Variants in PLD5 observed in about 807,000 individuals in gnomAD.
PLD5 encodes inactive phospholipase D5.
Under a neutral mutation model 61.1 loss-of-function variants are expected in PLD5, and 36 were observed. The ratio of observed to expected loss-of-function variants is 0.59; its 90% confidence interval spans 0.45 to 0.78. PLD5 has a LOEUF of 0.78. Ranked by LOEUF, PLD5 falls within the 30% of genes least tolerant of loss-of-function variation. The pLI is 0.00. For synonymous variants in PLD5, 243 were observed against 242.8 expected (o/e 1.00, Z -0.01); for missense variants, 515 against 644.4 (o/e 0.80, Z 2.17).
intron 1 of PLD5, among the ~76,000 whole-genome samples, chr1:242,477,263 A>C (rs372690953): frequency 4.1e-4 from 62 of 152,226 alleles, no homozygotes; most frequent in Admixed American, 5.2e-4. Flanking sequence ...AAAAGAAAAA[A>C]AAAATAGTAA....
intron 5 of PLD5, chr1:242,209,402 G>A (rs550449324): frequency 6.6e-6 from 1 of 152,264 alleles, no homozygotes; most frequent in South Asian, 2.1e-4. Context: ...ACAAATTGAA[G>A]ATCTGTGGCA....
chr1:242,461,433 T>C (rs868037596), intron 1 of PLD5, among the ~76,000 whole-genome samples: 2 of 152,228 alleles, frequency 1.3e-5, no homozygotes, highest in South Asian at 2.1e-4. Context: ...CAGGAAGGGA[T>C]TGCAATCATG....
intron 8 of PLD5, among the ~76,000 whole-genome samples, chr1:242,103,590 T>C (rs1236926663): frequency 6.6e-6 from 1 of 152,184 alleles, no homozygotes; most frequent in African/African-American, 2.4e-5. Flanking sequence ...GAAAAGGTAT[T>C]GAACACAATT....
At chr1:242,318,500 G>A (rs1343412601) in intron 2 of PLD5, among the ~76,000 whole-genome samples, 1 of 152,140 alleles carries the variant, frequency 6.6e-6, no homozygotes, top group African/African-American at 2.4e-5. Context: ...TCGACACTTC[G>A]TTAGGCCAAC....
At chr1:242,356,679 GT>G (rs1265256142) in intron 1 of PLD5, among the ~76,000 whole-genome samples, 1 of 151,184 alleles carries the variant, frequency 6.6e-6, no homozygotes, top group Non-Finnish European at 1.5e-5. Flanking sequence ...ATGGTGTATG[GT>G]TTCCTTAGTG....
chr1:242,139,186 T>G (rs1393017166), intron 5 of PLD5, among the ~76,000 whole-genome samples: 4 of 152,154 alleles, frequency 2.6e-5, no homozygotes, highest in Non-Finnish European at 5.9e-5. Context: ...ACTACTGTGT[T>G]ATTTCACAAA....
chr1:242,478,343 C>G (rs1006412208), intron 1 of PLD5, among the ~76,000 whole-genome samples: 1 of 152,072 alleles, frequency 6.6e-6, no homozygotes, highest in Admixed American at 6.6e-5. Context: ...AGCACTGGAG[C>G]CTAGAAATTC....
chr1:242,135,320 G>A (rs1663631521), intron 5 of PLD5, among the ~76,000 whole-genome samples: 1 of 152,150 alleles, frequency 6.6e-6, no homozygotes, highest in Non-Finnish European at 1.5e-5. Flanking sequence ...CCAGACATCA[G>A]GAGTTATGCT....
chr1:242,347,317 T>G (rs2149218967), intron 2 of PLD5, among the ~76,000 whole-genome samples: 1 of 152,326 alleles, frequency 6.6e-6, no homozygotes, highest in East Asian at 1.9e-4. Context: ...AATTTAAATT[T>G]ATTATAAGCT....
intron 1 of PLD5, among the ~76,000 whole-genome samples, chr1:242,382,128 C>CAAAAAAAAAAAAAAAAAAAAAAAAAAA (rs34582650): frequency 2.4e-5 from 3 of 125,594 alleles, no homozygotes; most frequent in Admixed American, 8.5e-5. Context: ...ACTTTGACAG[C>CAAAAAAAAAAAAAAAAAAAAAAAAAAA]AAAAAAAAAA....
intron 1 of PLD5, among the ~76,000 whole-genome samples, chr1:242,491,993 T>G (rs1572236901): frequency 6.6e-6 from 1 of 152,222 alleles, no homozygotes; most frequent in East Asian, 1.9e-4. Flanking sequence ...ATCCATCTCT[T>G]TGGCTAGTCA....
At chr1:242,458,180 C>G (rs1393129942) in intron 1 of PLD5, among the ~76,000 whole-genome samples, 1 of 152,162 alleles carries the variant, frequency 6.6e-6, no homozygotes, top group Admixed American at 6.5e-5. Context: ...TCACACATTC[C>G]AATATAAGCC....
At chr1:242,448,632 T>G (rs1490725082) in intron 1 of PLD5, among the ~76,000 whole-genome samples, 1 of 152,106 alleles carries the variant, frequency 6.6e-6, no homozygotes, top group African/African-American at 2.4e-5. Context: ...GGAAAAGACA[T>G]CCAGAGAGCA....
At chr1:242,205,254 T>C (rs566101339) in intron 5 of PLD5, among the ~76,000 whole-genome samples, 1 of 152,324 alleles carries the variant, frequency 6.6e-6, no homozygotes, top group African/African-American at 2.4e-5. Context: ...TAGGAGAGGT[T>C]AAGTGATGCT....
chr1:242,527,114 CTTTTTTTTTTTTTTTTTTTTT>C (rs530334746), upstream of PLD5, among the ~76,000 whole-genome samples: 246 of 72,004 alleles, frequency 3.4e-3, 1 homozygote, highest in African/African-American at 0.013. Flanking sequence ...CTATCTCCTT[CTTTTTTTTTTTTTTTTTTTTT>C]TTTTTTTTTT....
chr1:242,512,346 A>G (rs907288472), intron 1 of PLD5, among the ~76,000 whole-genome samples: 1 of 150,470 alleles, frequency 6.6e-6, no homozygotes, highest in Non-Finnish European at 1.5e-5. Flanking sequence ...CATGAACCTG[A>G]GAGGCAGAGC....
At position 242,086,567 on chromosome 1, in the gene PLD5, G is replaced by C. The variant is rs566747658; in HGVS notation, c.*3287C>G. 7.2e-5 allele frequency: 11 copies of C among 152,300 alleles called. No individual in the cohort carries two copies. The highest frequency in any genetic ancestry group is 2.6e-4 in the African/African-American group (11 of 41,544). 9.4% of individuals were successfully genotyped at this position (152,300 alleles called of 1,614,324 possible). ...ACAGTATTGATCTTTGATGGTGTGT[G>C]CAATGATTTGATTTGGCGGGGGGGT... On this transcript the variant is annotated 3_prime_UTR_variant, in exon 10 of 10. Coordinates refer to ENST00000536534, the MANE Select transcript of PLD5 (RefSeq NM_001372062.1).
intron 5 of PLD5, among the ~76,000 whole-genome samples, chr1:242,140,734 A>C (rs1168095062): frequency 7.6e-6 from 1 of 131,464 alleles, no homozygotes; most frequent in African/African-American, 3.2e-5. Flanking sequence ...CTGTTGCTAC[A>C]TCGTTAAATT....
rs1673060296 is a variant in PLD5 at position 242,256,795 on chromosome 1, T to TATC, written c.607+8541_607+8542insGAT. Among the ~76,000 whole-genome samples the TATC allele has an allele frequency of 6.9e-6, 1 of 145,342 alleles. No individual in the cohort carries two copies. The highest frequency in any genetic ancestry group is 2.2e-4 in the South Asian group (1 of 4,522). Reference sequence around the variant, plus strand: ...CTATCTATCTATCTATCTATCTATCTATTAATATCTATCTTTCTATGTATC... The same window carrying TATC: ...CTATCTATCTATCTATCTATCTATCTATCATTAATATCTATCTTTCTATGTATC... On this transcript the variant is annotated intron_variant, in intron 4 of 9. Coordinates refer to ENST00000536534, the MANE Select transcript of PLD5 (RefSeq NM_001372062.1). The surrounding 1 kb of genome is among the most constrained non-coding windows in gnomAD (Gnocchi z 5.7).
Sources: allele counts gnomAD v4.1 joint callset (sites outside exome capture counted in the v4.1 genomes callset), GRCh38; gene constraint gnomAD v4.1.1; non-coding constraint Gnocchi (gnomAD v3.1); transcripts MANE v1.5; gene names NCBI Gene and HGNC (gene_info 2026-07-23, HGNC 2026-07-21).